The following SLC1A1 variants were observed in gnomAD, a reference collection of about 807,000 sequenced individuals.
SLC1A1 encodes solute carrier family 1 member 1, also known as excitatory amino acid transporter 3.
In SLC1A1, 43 loss-of-function variants were observed where a neutral mutation model predicts 53.3. That is an observed-to-expected ratio of 0.81 (90% CI 0.63 to 1.04). The LOEUF (loss-of-function observed/expected upper bound fraction) is 1.04. Ranked by LOEUF, SLC1A1 falls within the 50% of genes least tolerant of loss-of-function variation. The pLI, the probability that SLC1A1 is intolerant of heterozygous loss-of-function variation, is 0.00. For missense variants in SLC1A1, 748 were observed against 664.9 expected, an observed-to-expected ratio of 1.12 and a Z score of -1.37; for synonymous variants, 307 against 243.2, an observed-to-expected ratio of 1.26 and a Z score of -2.44.
intron 1 of SLC1A1, among the ~76,000 whole-genome samples, chr9:4,538,575 G>C (rs1297537314): frequency 6.6e-6 from 1 of 152,304 alleles, no homozygotes; most frequent in Middle Eastern, 3.4e-3. Context: ...GGATGTATTT[G>C]AGTTGATTAG....
rs10974632 is a variant in SLC1A1 at position 4,579,145 on chromosome 9, G to A, written c.1193+2382G>A. On this transcript the variant is annotated intron_variant, in intron 10 of 11. Transcript: ENST00000262352. ...ACACCAGCTGGGGAACTATCCCAATGCTGTGTAATCTATAAAAAGTGTTAG... is the reference window on the plus strand; with the variant it reads ...ACACCAGCTGGGGAACTATCCCAATACTGTGTAATCTATAAAAAGTGTTAG... Among the ~76,000 whole-genome samples, 17 of 152,332 alleles carry A rather than the reference G, an allele frequency of 1.1e-4. No individual in the cohort carries two copies. In the East Asian group the frequency reaches 3.1e-3, roughly 28 times the overall value.
In SLC1A1 at chr9:4,576,673, A is replaced by G; in HGVS notation, c.1103A>G (p.Asp368Gly). The G allele has an allele frequency of 6.2e-7, 1 of 1,614,178 alleles. No homozygotes were observed. Among genetic ancestry groups the G allele is most frequent in the Middle Eastern group, 1.6e-4 (1 of 6,062 alleles). ...CCCGTTGGTGCAACAATCAACATGG[A>G]TGGGACTGCGCTCTATGAAGCAGTG... ...VLPVGATINM[D>G]GTALYEAVAA... Residue 368 changes from aspartate (D) to glycine (G), a missense_variant, in exon 10 of 12, where the codon GAT (aspartate) becomes GGT (glycine). Transcript: ENST00000262352.
intron 1 of SLC1A1, among the ~76,000 whole-genome samples, chr9:4,506,541 A>C (rs1369773857): frequency 6.6e-6 from 1 of 151,684 alleles, no homozygotes; most frequent in Non-Finnish European, 1.5e-5. Flanking sequence ...GGTATTTTCC[A>C]ATAATCTCCA....
At chr9:4,579,071 G>A (rs897720170) in intron 10 of SLC1A1, among the ~76,000 whole-genome samples, 12 of 152,086 alleles carry the variant, frequency 7.9e-5, no homozygotes, top group African/African-American at 2.2e-4. Context: ...ACCCTAAATC[G>A]CAAAGTATTT....
Position 4,583,094 on chromosome 9 carries a change from T to G in SLC1A1, c.1250T>G (p.Val417Gly). ...GAAGVPQAGL[V>G]TMVIVLSAVG... ...GCTGGCGTGCCCCAGGCTGGCCTGG[T>G]GACCATGGTGATTGTGCTGAGTGCC... is the stretch of plus-strand genomic sequence containing the variant. The change falls in exon 11 of 12, where the codon GTG (valine) becomes GGG (glycine). Residue 417 changes from valine to glycine, a missense_variant. Transcript: ENST00000262352. The surrounding 1 kb of genome is among the most constrained non-coding windows in gnomAD (Gnocchi z 4.6). 1 of 1,614,228 alleles carries G rather than the reference T, an allele frequency of 6.2e-7. No individual in the cohort carries two copies. The highest frequency in any genetic ancestry group is 8.5e-7 in the Non-Finnish European group (1 of 1,180,040).
At position 4,575,465 on chromosome 9, in the gene SLC1A1, C is replaced by G. The variant is rs77582919; in HGVS notation, c.876-536C>G. 6.0e-3 allele frequency among the ~76,000 whole-genome samples: 912 copies of G among 152,218 alleles called. 10 individuals are homozygous for G. The highest frequency in any genetic ancestry group is 0.021 in the African/African-American group (856 of 41,522). On this transcript the variant is annotated intron_variant, in intron 8 of 11. Transcript: ENST00000262352. ...TGACTTCCCTCTTAGACAGTGGGCG[C>G]CACCAGCAAGACAGCAGCTTGGTGC...
At chr9:4,529,986 T>A (rs909998885) in intron 1 of SLC1A1, among the ~76,000 whole-genome samples, 7 of 152,196 alleles carry the variant, frequency 4.6e-5, no homozygotes, top group African/African-American at 1.7e-4. Context: ...ATATTGTACA[T>A]GTATTTTCTT....
At chr9:4,561,726 C>T (rs2129672662) in intron 3 of SLC1A1, among the ~76,000 whole-genome samples, 185 bp downstream of exon 3, 1 of 152,076 alleles carries the variant, frequency 6.6e-6, no homozygotes, top group Middle Eastern at 3.4e-3. Flanking sequence ...CCGTTTCTAC[C>T]AAAAATACAA....
intron 1 of SLC1A1, among the ~76,000 whole-genome samples, chr9:4,492,925 G>C (rs914041840): frequency 6.6e-6 from 1 of 152,186 alleles, no homozygotes; most frequent in Non-Finnish European, 1.5e-5. Flanking sequence ...TGCTACCCAA[G>C]TGTTGCACAC....
At chr9:4,497,774 C>A (rs939854165) in intron 1 of SLC1A1, among the ~76,000 whole-genome samples, 1 of 151,990 alleles carries the variant, frequency 6.6e-6, no homozygotes, top group Non-Finnish European at 1.5e-5. Context: ...TAAAATGAGG[C>A]CATAAAGTAA....
At position 4,586,368 on chromosome 9, in the gene SLC1A1, C is replaced by A. The variant is rs937395084; in HGVS notation, c.*810C>A. On this transcript the variant is annotated 3_prime_UTR_variant, in exon 12 of 12. Coordinates refer to ENST00000262352, the MANE Select transcript of SLC1A1 (RefSeq NM_004170.6). ...GTCTGCTTTGGGGCTTATCAGAACT[C>A]CTTTCTAAGGAGCACTAGAATGAGA... is the stretch of plus-strand genomic sequence containing the variant. 3 of 152,146 alleles carry A rather than the reference C, an allele frequency of 2.0e-5. No homozygotes were observed. The highest frequency in any genetic ancestry group is 4.8e-5 in the African/African-American group (2 of 41,426). 9.4% of individuals were successfully genotyped at this position (152,146 alleles called of 1,614,324 possible).
intron 7 of SLC1A1, among the ~76,000 whole-genome samples, chr9:4,573,561 C>G (rs75049313): frequency 0.022 from 3,416 of 152,192 alleles, 66 homozygotes; most frequent in Middle Eastern, 0.068. Context: ...CAGTGAGGGT[C>G]AAGCTCAAGT....
intron 1 of SLC1A1, among the ~76,000 whole-genome samples, chr9:4,513,532 A>T (rs1039199170): frequency 1.3e-5 from 2 of 151,340 alleles, no homozygotes; most frequent in Non-Finnish European, 3.0e-5. Context: ...TAGAGTGGCT[A>T]AAAAAAAATA....
chr9:4,552,086 A>G (rs1817975703), intron 2 of SLC1A1, among the ~76,000 whole-genome samples: 1 of 152,230 alleles, frequency 6.6e-6, no homozygotes, highest in Admixed American at 6.5e-5. Flanking sequence ...AGACTTGTTC[A>G]TAGCTCTGTT....
intron 1 of SLC1A1, among the ~76,000 whole-genome samples, chr9:4,512,583 GAAGA>G (rs772308094): frequency 2.6e-5 from 4 of 151,676 alleles, no homozygotes; most frequent in African/African-American, 4.9e-5. Flanking sequence ...TTATGAAAAA[GAAGA>G]AAGTTGGAGG....
chr9:4,523,514 C>T (rs1434694494), intron 1 of SLC1A1, among the ~76,000 whole-genome samples: 2 of 151,998 alleles, frequency 1.3e-5, no homozygotes, highest in Non-Finnish European at 2.9e-5. Flanking sequence ...TATTTCTCTA[C>T]CAAAATAAAT....
At chr9:4,545,968 A>G (rs1357273948) in intron 2 of SLC1A1, among the ~76,000 whole-genome samples, 2 of 152,180 alleles carry the variant, frequency 1.3e-5, no homozygotes, top group African/African-American at 4.8e-5. Context: ...ATGCAATTAG[A>G]AGTCGTGACA....
chr9:4,523,696 G>T (rs1359697564), intron 1 of SLC1A1, among the ~76,000 whole-genome samples: 1 of 152,116 alleles, frequency 6.6e-6, no homozygotes, highest in Non-Finnish European at 1.5e-5. Flanking sequence ...AGAGTATATA[G>T]CCTACAATAA....
At chr9:4,531,740 G>T (rs947935014) in intron 1 of SLC1A1, among the ~76,000 whole-genome samples, 20 of 152,186 alleles carry the variant, frequency 1.3e-4, no homozygotes, top group Non-Finnish European at 2.5e-4. Context: ...GGACATCTGA[G>T]AACAGGCAGA....
Sources: gnomAD v4.1 joint callset for allele counts (sites outside exome capture counted in the v4.1 genomes callset) on GRCh38, gnomAD v4.1.1 for gene constraint, Gnocchi (gnomAD v3.1) non-coding constraint, MANE v1.5 for transcripts, NCBI Gene and HGNC (gene_info 2026-07-23, HGNC 2026-07-21) for gene names.